SPTLC2: variants seen among roughly 807,000 people sequenced by gnomAD.
The protein encoded by SPTLC2 is serine palmitoyltransferase 2.
SPTLC2 carries 21 observed loss-of-function variants against 62.0 expected under a neutral mutation model. The observed-to-expected ratio is 0.34, with a 90% CI of 0.24 to 0.49. The LOEUF (loss-of-function observed/expected upper bound fraction) is 0.49. Among genes scored for constraint, SPTLC2 ranks in the 20% least tolerant of loss-of-function variants. The pLI is 0.99. For synonymous variants in SPTLC2, 261 were observed against 261.8 expected (o/e 1.00, Z 0.03); for missense variants, 511 against 713.0 (o/e 0.72, Z 3.23).
rs574545642 is a variant in SPTLC2 at position 77,611,594 on chromosome 14, G to A, written c.132+4854C>T. On this transcript the variant is annotated intron_variant, in intron 1 of 11. Coordinates refer to ENST00000216484, the MANE Select transcript of SPTLC2 (RefSeq NM_004863.4). ...TAATCCCAGCACTTTGGGAGGCGGA[G>A]GCAGGTGGATCACCTGAGGTCAGGA... Among the ~76,000 whole-genome samples, 12 of 152,252 alleles carry A rather than the reference G, an allele frequency of 7.9e-5. 1 individual carries two copies. The Middle Eastern group carries it at 0.014, about 173-fold the overall frequency.
At chr14:77,584,046 C>T (rs1006741718) in intron 2 of SPTLC2, among the ~76,000 whole-genome samples, 1 of 152,196 alleles carries the variant, frequency 6.6e-6, no homozygotes, top group Admixed American at 6.6e-5. Context: ...AAGAGAACAA[C>T]TCAAACTCTT....
chr14:77,557,526 T>C (rs1045337545), intron 6 of SPTLC2, among the ~76,000 whole-genome samples: 6 of 152,080 alleles, frequency 3.9e-5, no homozygotes, highest in African/African-American at 1.4e-4. Context: ...AATAAATGCG[T>C]AAAAAAGACA....
chr14:77,529,363 T>C (rs1306008174), intron 9 of SPTLC2, among the ~76,000 whole-genome samples: 1 of 147,728 alleles, frequency 6.8e-6, no homozygotes, highest in African/African-American at 2.6e-5. Context: ...ATACCCTTGA[T>C]GTTTACTTTG....
intron 1 of SPTLC2, among the ~76,000 whole-genome samples, chr14:77,602,435 C>G (rs2079882949): frequency 6.6e-6 from 1 of 152,156 alleles, no homozygotes; most frequent in South Asian, 2.1e-4. Flanking sequence ...TCATCTTTGG[C>G]TCCACCTTAT....
intron 11 of SPTLC2, among the ~76,000 whole-genome samples, chr14:77,516,932 AAGC>A (rs2079362215): frequency 6.6e-6 from 1 of 152,248 alleles, no homozygotes. Flanking sequence ...TTTTATAAAG[AAGC>A]ATTCATAATG....
At chr14:77,570,624 A>G in intron 4 of SPTLC2, 116 bp from the exon 5 acceptor site, 1 of 1,224,754 alleles carries the variant, frequency 8.2e-7, no homozygotes, top group Non-Finnish European at 1.2e-6. Flanking sequence ...ACTAAGATCT[A>G]TGAAGGAGTC....
At chr14:77,581,456 G>A (rs1024722984) in intron 2 of SPTLC2, among the ~76,000 whole-genome samples, 3 of 130,268 alleles carry the variant, frequency 2.3e-5, no homozygotes, top group Non-Finnish European at 4.7e-5. Context: ...TGTTGCCCAG[G>A]CTGGAGTGTA....
intron 9 of SPTLC2, among the ~76,000 whole-genome samples, chr14:77,527,455 T>G (rs1262554967): frequency 6.6e-6 from 1 of 152,166 alleles, no homozygotes; most frequent in East Asian, 1.9e-4. Context: ...CCACTAGATA[T>G]TGATAACCTT....
rs1022172505 is a variant in SPTLC2 at position 77,512,030 on chromosome 14, T to C, written c.*254A>G. 3 of 509,762 alleles carry C rather than the reference T, an allele frequency of 5.9e-6. No homozygotes were observed. The highest frequency in any genetic ancestry group is 5.8e-5 in the African/African-American group (3 of 51,776). 31.6% of individuals were successfully genotyped at this position (509,762 alleles called of 1,614,324 possible). A position where few individuals can be genotyped will look rare whatever the true frequency, so the allele number is the denominator to read the frequency against. On this transcript the variant is annotated 3_prime_UTR_variant, in exon 12 of 12. Transcript: ENST00000216484. ...CAAGTAGAATGGTTGCAAAATAAAA[T>C]GTTTTTTTAATGGACTGAAAAAGCA...
At chr14:77,538,550 T>C (rs1255922075) in intron 9 of SPTLC2, among the ~76,000 whole-genome samples, 5 of 152,190 alleles carry the variant, frequency 3.3e-5, no homozygotes, top group Non-Finnish European at 2.9e-5. Context: ...ATTTCACTTA[T>C]TAGTAGTTTT....
At chr14:77,563,816 T>G (rs1400408372) in intron 5 of SPTLC2, among the ~76,000 whole-genome samples, 1 of 152,224 alleles carries the variant, frequency 6.6e-6, no homozygotes, top group Non-Finnish European at 1.5e-5. Context: ...AAGGGTCAAC[T>G]ATATATATAC....
At chr14:77,553,602 G>A (rs1423793906) in intron 8 of SPTLC2, among the ~76,000 whole-genome samples, 1 of 151,710 alleles carries the variant, frequency 6.6e-6, no homozygotes, top group Non-Finnish European at 1.5e-5. Flanking sequence ...ATGGTGGCAC[G>A]TGCCTGTAGT....
intron 9 of SPTLC2, among the ~76,000 whole-genome samples, chr14:77,527,602 T>A (rs4903590): frequency 0.23 from 35,100 of 152,120 alleles, 4,812 homozygotes; most frequent in East Asian, 0.56. Flanking sequence ...TTTCTCAAGA[T>A]TCTCAGCCAT....
At chr14:77,576,553 T>C (rs910598649) in intron 4 of SPTLC2, among the ~76,000 whole-genome samples, 3 of 152,234 alleles carry the variant, frequency 2.0e-5, no homozygotes, top group Non-Finnish European at 2.9e-5. Flanking sequence ...ACATTCTATA[T>C]GTATAACACA....
intron 2 of SPTLC2, among the ~76,000 whole-genome samples, chr14:77,592,137 G>A (rs1163632470): frequency 2.0e-5 from 3 of 151,080 alleles, no homozygotes; most frequent in Admixed American, 6.6e-5. Flanking sequence ...TTCTTAGTAC[G>A]CTACTTTTTT....
Position 77,521,483 on chromosome 14 carries a change from C to T in SPTLC2, c.1402G>A (p.Val468Ile). 6.2e-7 allele frequency: 1 copy of T among 1,614,206 alleles called. No homozygotes were observed. The highest frequency in any genetic ancestry group is 1.1e-5 in the South Asian group (1 of 91,078). Residue 468 changes from valine to isoleucine, a missense_variant, in exon 10 of 12, where the codon GTA becomes ATA. Transcript: ENST00000216484. ...GGCATGTAGAGCATCAAAGGCACTA[C>T]TGGAGAGTCTTCATTTCCATAGATG... ...FIIYGNEDSP[V>I]VPLMLYMPAK...
At chr14:77,560,290 G>A (rs995165806) in intron 6 of SPTLC2, among the ~76,000 whole-genome samples, 6 of 152,014 alleles carry the variant, frequency 3.9e-5, no homozygotes, top group African/African-American at 1.2e-4. Flanking sequence ...ACAGTAGACT[G>A]GATTAAAAAA....
intron 9 of SPTLC2, among the ~76,000 whole-genome samples, chr14:77,533,335 G>A (rs2079451117): frequency 6.6e-6 from 1 of 151,796 alleles, no homozygotes; most frequent in African/African-American, 2.4e-5. Context: ...CTGTCTCTGG[G>A]TGAGTATAAT....
Position 77,531,452 on chromosome 14 carries a change from TCTC to T in SPTLC2, c.1304-9874_1304-9872del, listed in dbSNP as rs1210034001. Among the ~76,000 whole-genome samples, 464 of 111,292 alleles carry T rather than the reference TCTC, an allele frequency of 4.2e-3. 9 individuals carry two copies. Among genetic ancestry groups the T allele is most frequent in the African/African-American group, 0.014 (378 of 26,136 alleles). The allele number at this position is 111,292 out of a possible 152,430, so 73.0% of individuals were successfully genotyped here. A position where few individuals can be genotyped will look rare whatever the true frequency, so the allele number is the denominator to read the frequency against. On this transcript the variant is annotated intron_variant, in intron 9 of 11. Transcript: ENST00000216484. ...TTCTTCTTCTTCTTCTTCTCCTCCTTCTCCTCCTCCTCCTCCTCCTCCCCCTCC... is the reference window on the plus strand; with the variant it reads ...TTCTTCTTCTTCTTCTTCTCCTCCTTCTCCTCCTCCTCCTCCTCCCCCTCC...
Sources: allele counts gnomAD v4.1 joint callset (sites outside exome capture counted in the v4.1 genomes callset), GRCh38; gene constraint gnomAD v4.1.1; transcripts MANE v1.5; gene names NCBI Gene and HGNC (gene_info 2026-07-23, HGNC 2026-07-21).